RBFOX1: variants seen among roughly 807,000 people sequenced by gnomAD.
RBFOX1 encodes RNA binding fox-1 homolog 1.
A neutral mutation model predicts 57.7 loss-of-function variants in RBFOX1; 8 were observed. The ratio of observed to expected loss-of-function variants is 0.14; its 90% CI spans 0.08 to 0.25. The LOEUF (loss-of-function observed/expected upper bound fraction) is 0.25. Among genes scored for constraint, RBFOX1 ranks in the 10% least tolerant of loss-of-function variants. RBFOX1 has a pLI of 1.00. For missense variants in RBFOX1, 611 were observed against 548.5 expected, an observed-to-expected ratio of 1.11 and a Z score of -1.14; for synonymous variants, 326 against 222.4, an observed-to-expected ratio of 1.47 and a Z score of -4.15.
intron 14 of RBFOX1, among the ~76,000 whole-genome samples, chr16:7,703,235 G>A (rs1026442186): frequency 2.0e-5 from 3 of 152,182 alleles, no homozygotes; most frequent in Admixed American, 1.3e-4. Flanking sequence ...GTCCCTAATT[G>A]CATTGCAGAG....
chr16:7,333,300 T>A (rs2096726101), intron 4 of RBFOX1, among the ~76,000 whole-genome samples: 1 of 152,192 alleles, frequency 6.6e-6, no homozygotes, highest in African/African-American at 2.4e-5. Flanking sequence ...TTGAGCTATA[T>A]TTGCTTGTAT....
At chr16:6,128,560 AC>A in intron 1 of RBFOX1, among the ~76,000 whole-genome samples, 1 of 152,352 alleles carries the variant, frequency 6.6e-6, no homozygotes, top group African/African-American at 2.4e-5. Flanking sequence ...AAGCACTGTG[AC>A]GTTCTCACTG....
chr16:6,376,784 G>A (rs998159563), intron 2 of RBFOX1, among the ~76,000 whole-genome samples: 15 of 152,102 alleles, frequency 9.9e-5, no homozygotes, highest in Non-Finnish European at 2.1e-4. Context: ...ATCTGAAATC[G>A]GGGTATTAGC....
intron 3 of RBFOX1, among the ~76,000 whole-genome samples, chr16:6,711,631 A>T (rs2063735531): frequency 1.3e-5 from 2 of 152,120 alleles, no homozygotes. Flanking sequence ...CATGATTGTA[A>T]GTTTCTCGAG....
At chr16:7,096,956 C>G (rs1325614831) in intron 4 of RBFOX1, among the ~76,000 whole-genome samples, 1 of 120,102 alleles carries the variant, frequency 8.3e-6, no homozygotes, top group African/African-American at 3.2e-5. Context: ...AAAAAAAGGA[C>G]TGAGAATAGG....
At chr16:7,290,017 G>C (rs190994174) in intron 4 of RBFOX1, among the ~76,000 whole-genome samples, 1 of 152,224 alleles carries the variant, frequency 6.6e-6, no homozygotes, top group African/African-American at 2.4e-5. Flanking sequence ...TTTCTTCATA[G>C]GAGAGTAAAC....
At chr16:7,509,868 T>C (rs1466614515) in intron 4 of RBFOX1, among the ~76,000 whole-genome samples, 1 of 152,114 alleles carries the variant, frequency 6.6e-6, no homozygotes, top group African/African-American at 2.4e-5. Flanking sequence ...TTGCATACCA[T>C]ATATTTAGTT....
chr16:6,104,625 T>C lies in RBFOX1; in HGVS notation c.-127+84633T>C, dbSNP rs549847094. 1.2e-3 allele frequency among the ~76,000 whole-genome samples: 181 copies of C among 152,322 alleles called. 3 individuals carry two copies. The highest frequency in any genetic ancestry group is 2.9e-3 in the South Asian group (14 of 4,832). On this transcript the variant is annotated intron_variant, in intron 1 of 15. Coordinates refer to ENST00000550418, the MANE Select transcript of RBFOX1 (RefSeq NM_018723.4). ...CTAATCTATCGTGTTCCTAGCAGCA[T>C]AATTCAAAATAGCCCAGAAGTGTAA...
At chr16:6,147,225 G>C (rs2152714766) in intron 1 of RBFOX1, among the ~76,000 whole-genome samples, 1 of 152,282 alleles carries the variant, frequency 6.6e-6, no homozygotes, top group South Asian at 2.1e-4. Flanking sequence ...CTGGCTGCAT[G>C]CTCTCTTAGC....
intron 3 of RBFOX1, among the ~76,000 whole-genome samples, chr16:5,782,200 G>A (rs1157982439): frequency 2.0e-5 from 3 of 152,238 alleles, no homozygotes; most frequent in Non-Finnish European, 2.9e-5. Flanking sequence ...GACAAAGCAA[G>A]ACTCAAGCAC....
rs1252591375 is a variant in RBFOX1 at position 6,222,689 on chromosome 16, T to TATTATC, written c.-126-94301_-126-94300insCATTAT. On this transcript the variant is annotated intron_variant, in intron 1 of 15. Coordinates refer to ENST00000550418, the MANE Select transcript of RBFOX1 (RefSeq NM_018723.4). The stretch of plus-strand genomic sequence containing the variant: ...ATGTAAGAATTTTCTTTTCTTTTAT[T>TATTATC]ATTATTATTATTATTATTATTATTA... Among the ~76,000 whole-genome samples, 4 of 137,060 alleles carry TATTATC rather than the reference T, an allele frequency of 2.9e-5. No homozygotes were observed. The East Asian group carries it at 8.2e-4, about 28-fold the overall frequency. The allele number at this position is 137,060 out of a possible 152,430, so 89.9% of individuals were successfully genotyped here.
chr16:5,296,572 A>ATT (rs200092819), intron 1 of RBFOX1, among the ~76,000 whole-genome samples: 137 of 151,380 alleles, frequency 9.1e-4, no homozygotes, highest in African/African-American at 3.1e-3. Flanking sequence ...AAAAAAAAAA[A>ATT]TTTTTTTTTA....
intron 4 of RBFOX1, among the ~76,000 whole-genome samples, chr16:7,489,568 T>G (rs1344229840): frequency 6.6e-6 from 1 of 152,124 alleles, no homozygotes; most frequent in African/African-American, 2.4e-5. Flanking sequence ...CAGGCTGGAA[T>G]GCGGTGGTAC....
intron 4 of RBFOX1, among the ~76,000 whole-genome samples, chr16:7,354,977 A>G (rs1481242617): frequency 6.6e-6 from 1 of 152,186 alleles, no homozygotes; most frequent in Non-Finnish European, 1.5e-5. Flanking sequence ...AAACATGACA[A>G]ATAATGATTA....
chr16:6,633,803 G>C (rs183284121), intron 2 of RBFOX1, among the ~76,000 whole-genome samples: 3 of 152,082 alleles, frequency 2.0e-5, no homozygotes, highest in Non-Finnish European at 2.9e-5. Context: ...GAGTTGAGGA[G>C]TTTGAGACTA....
At chr16:6,568,892 G>T (rs1299266207) in intron 2 of RBFOX1, among the ~76,000 whole-genome samples, 1 of 151,944 alleles carries the variant, frequency 6.6e-6, no homozygotes, top group East Asian at 1.9e-4. Context: ...CCTCAGCACT[G>T]CCCCCAAGTA....
At chr16:7,373,373 C>T (rs1334897877) in intron 4 of RBFOX1, among the ~76,000 whole-genome samples, 2 of 152,258 alleles carry the variant, frequency 1.3e-5, no homozygotes, top group Non-Finnish European at 1.5e-5. Context: ...GCTACAGGTA[C>T]TATTAAGAGG....
intron 1 of RBFOX1, among the ~76,000 whole-genome samples, chr16:6,198,129 G>A (rs1310527759): frequency 6.6e-6 from 1 of 152,132 alleles, no homozygotes; most frequent in Non-Finnish European, 1.5e-5. Context: ...TTTGGGGGAA[G>A]GATGAGGGGG....
At chr16:6,539,123 T>TGA (rs1555533538) in intron 2 of RBFOX1, among the ~76,000 whole-genome samples, 1 of 110,108 alleles carries the variant, frequency 9.1e-6, no homozygotes, top group Non-Finnish European at 2.1e-5. Flanking sequence ...TGATATTTGG[T>TGA]GAAAAAAAAA....
Sources: allele counts gnomAD v4.1 joint callset (sites outside exome capture counted in the v4.1 genomes callset), GRCh38; gene constraint gnomAD v4.1.1; transcripts MANE v1.5; gene names NCBI Gene and HGNC (gene_info 2026-07-23, HGNC 2026-07-21).